DNAH9: variants seen among roughly 807,000 people sequenced by gnomAD.
The protein encoded by DNAH9 is DNAH9 variant protein.
Under a neutral mutation model 471.6 loss-of-function variants are expected in DNAH9, and 345 were observed. That is an observed-to-expected ratio of 0.73 (90% CI 0.67 to 0.80). The LOEUF (loss-of-function observed/expected upper bound fraction) is 0.80, where lower values mean the gene tolerates loss of function less well. Among genes scored for constraint, DNAH9 ranks in the 30% least tolerant of loss-of-function variants. The pLI is 0.00. For synonymous variants in DNAH9, 2,093 were observed against 2,123.6 expected (o/e 0.99, Z 0.40); for missense variants, 5,407 against 5,609.2 (o/e 0.96, Z 1.15).
At chr17:11,854,611 G>A (rs1971557716) in intron 50 of DNAH9, among the ~76,000 whole-genome samples, 183 bp downstream of exon 50, 1 of 152,150 alleles carries the variant, frequency 6.6e-6, no homozygotes, top group African/African-American at 2.4e-5. Context: ...CACTGTATAG[G>A]CCAAACAAGA....
At chr17:11,899,866 G>A (rs765595727) in intron 59 of DNAH9, among the ~76,000 whole-genome samples, 1 of 152,146 alleles carries the variant, frequency 6.6e-6, no homozygotes, top group Non-Finnish European at 1.5e-5. Flanking sequence ...CATTTCCTAA[G>A]TGCCAGGCAC....
rs1373118405 is a variant in DNAH9, at chr17:11,598,535, G to GAGAACGCGGATGGGGAACCCGGCGC, written c.38_62dup (p.Asp22GlufsTer38). 4 of 1,348,162 alleles carry GAGAACGCGGATGGGGAACCCGGCGC rather than the reference G, an allele frequency of 3.0e-6. No individual in the cohort carries two copies. Among genetic ancestry groups the GAGAACGCGGATGGGGAACCCGGCGC allele is most frequent in the African/African-American group, 1.5e-5 (1 of 66,024 alleles). 83.5% of individuals were successfully genotyped at this position (1,348,162 alleles called of 1,614,324 possible). On this transcript the variant is annotated frameshift_variant, in exon 1 of 69. Coordinates refer to ENST00000262442, the MANE Select transcript of DNAH9 (RefSeq NM_001372.4). LOFTEE classifies it high-confidence loss of function. ...GGAGGAGCGGGCCGCGCTCGCGGCG[G>GAGAACGCGGATGGGGAACCCGGCGC]AGAACGCGGATGGGGAACCCGGCGC... is the stretch of plus-strand genomic sequence containing the variant.
In DNAH9 at chr17:11,647,111, A is replaced by G. The variant is rs1567688355; in HGVS notation, c.2010A>G (p.Val670=). Residue 670 remains valine, a synonymous_variant, in exon 12 of 69, where the codon GTA becomes GTG. Coordinates refer to ENST00000262442, the MANE Select transcript of DNAH9 (RefSeq NM_001372.4). ...TRLYEDWCRT[V]SEKSQYNLSQ... is the part of the protein sequence containing the mutation. Reference sequence around the variant, plus strand: ...TTTATGAGGATTGGTGCCGGACAGTATCAGAGAAGTCACAGTACAATCTTT... The same window carrying G: ...TTTATGAGGATTGGTGCCGGACAGTGTCAGAGAAGTCACAGTACAATCTTT... 1 of 1,613,990 alleles carries G rather than the reference A, an allele frequency of 6.2e-7. No individual in the cohort carries two copies.
intron 38 of DNAH9, among the ~76,000 whole-genome samples, chr17:11,769,611 T>C (rs1037054781): frequency 1.3e-5 from 2 of 152,234 alleles, no homozygotes; most frequent in Admixed American, 6.5e-5. Flanking sequence ...AGCACCTTGA[T>C]GACAAAGAGA....
At chr17:11,807,525 T>C (rs1437490451) in intron 43 of DNAH9, among the ~76,000 whole-genome samples, 1 of 152,122 alleles carries the variant, frequency 6.6e-6, no homozygotes, top group Non-Finnish European at 1.5e-5. Context: ...CACTAGAGGC[T>C]GTGGCTTAAG....
intron 38 of DNAH9, among the ~76,000 whole-genome samples, chr17:11,771,779 C>T (rs1173851862): frequency 3.3e-5 from 5 of 152,196 alleles, no homozygotes; most frequent in Non-Finnish European, 7.3e-5. Context: ...TACAACTACA[C>T]TACTACTACT....
rs775743303 is a variant in DNAH9, at chr17:11,619,617, G to T, written c.1186G>T (p.Val396Leu). ...AGAAGAAAGTCAGAGAAAACTGCAA[G>T]TGGTCTCAGACACTTTGAGCTTCTT... Reference protein sequence around the residue: ...EVEESQRKLQVVSDTLSFFKQ... With the variant: ...EVEESQRKLQLVSDTLSFFKQ... Residue 396 changes from valine (V) to leucine (L), a missense_variant, in exon 6 of 69, where the codon GTG (valine) becomes TTG (leucine). Around this residue, in one of 3 missense-constraint regions of DNAH9, gnomAD observed 767 missense variants for 692.5 expected, o/e 1.11. Coordinates refer to ENST00000262442, the MANE Select transcript of DNAH9 (RefSeq NM_001372.4). The T allele has an allele frequency of 9.3e-6, 15 of 1,614,188 alleles. No individual in the cohort carries two copies. Among genetic ancestry groups the T allele is most frequent in the Non-Finnish European group, 1.3e-5 (15 of 1,180,006 alleles).
At chr17:11,724,530 C>T (rs2075119096) in intron 27 of DNAH9, among the ~76,000 whole-genome samples, 1 of 152,200 alleles carries the variant, frequency 6.6e-6, no homozygotes, top group Non-Finnish European at 1.5e-5. Context: ...AATGGCTGAA[C>T]AATATTGCTT....
chr17:11,764,528 C>T (rs1246946043), intron 36 of DNAH9, among the ~76,000 whole-genome samples: 14 of 152,202 alleles, frequency 9.2e-5, no homozygotes, highest in African/African-American at 3.4e-4. Context: ...CCTTCCATTG[C>T]TCCCTCCCCC....
chr17:11,847,806 T>A (rs1433748660), intron 49 of DNAH9, among the ~76,000 whole-genome samples: 1 of 152,148 alleles, frequency 6.6e-6, no homozygotes, highest in East Asian at 1.9e-4. Context: ...ATTATATCAA[T>A]GGACTGCCTT....
intron 65 of DNAH9, among the ~76,000 whole-genome samples, chr17:11,935,903 G>A (rs1974696373): frequency 6.6e-6 from 1 of 152,158 alleles, no homozygotes; most frequent in Non-Finnish European, 1.5e-5. Flanking sequence ...AGGAAAATAA[G>A]AGGAAATGTT....
chr17:11,634,885 AG>A (rs1460931583), intron 8 of DNAH9, among the ~76,000 whole-genome samples: 6 of 152,120 alleles, frequency 3.9e-5, no homozygotes, highest in African/African-American at 4.8e-5. Context: ...CAGCTCCTAG[AG>A]CTTGCACTCC....
chr17:11,808,620 A>G (rs112877197), intron 44 of DNAH9, among the ~76,000 whole-genome samples: 22 of 152,296 alleles, frequency 1.4e-4, no homozygotes, highest in African/African-American at 4.8e-4. Flanking sequence ...GGCTGAATCT[A>G]AGGTCATACA....
chr17:11,858,775 T>G (rs1971714583), intron 50 of DNAH9, among the ~76,000 whole-genome samples: 1 of 152,066 alleles, frequency 6.6e-6, no homozygotes, highest in African/African-American at 2.4e-5. Flanking sequence ...AGCACAGAAG[T>G]TATTGTGGTT....
In DNAH9 at chr17:11,793,530, G is replaced by A. The variant is rs1488610369; in HGVS notation, c.8089G>A (p.Val2697Met). ...CATTCTCTTCTCCTCAGTGGAATGT[G>A]TGAAATCCACATGGGATCTTATAAG... ...QGILFSSVEC[V>M]KSTWDLIRLY... is the part of the protein sequence containing the mutation. Residue 2697 changes from valine (V) to methionine (M), a missense_variant, in exon 42 of 69, where the codon GTG becomes ATG. Around this residue, in one of 3 missense-constraint regions of DNAH9, gnomAD observed 4,636 missense variants for 4,900.3 expected, o/e 0.95. Transcript: ENST00000262442. 8 of 1,613,508 alleles carry A rather than the reference G, an allele frequency of 5.0e-6. No individual in the cohort carries two copies. Among genetic ancestry groups the A allele is most frequent in the African/African-American group, 1.3e-5 (1 of 74,890 alleles).
At chr17:11,784,118 C>G (rs933234819) in intron 40 of DNAH9, among the ~76,000 whole-genome samples, 182 bp from the exon 41 acceptor site, 22 of 152,118 alleles carry the variant, frequency 1.4e-4, no homozygotes, top group African/African-American at 5.1e-4. Flanking sequence ...ACTGAAGGTG[C>G]TTTGCCTGTT....
At chr17:11,879,475 A>G (rs1009503652) in intron 53 of DNAH9, among the ~76,000 whole-genome samples, 2 of 152,146 alleles carry the variant, frequency 1.3e-5, no homozygotes, top group African/African-American at 4.8e-5. Flanking sequence ...GTTGTATTAT[A>G]TCAGTCTTAT....
chr17:11,680,705 C>CT lies in DNAH9; in HGVS notation c.3577-17dup. 6.2e-7 allele frequency: 1 copy of CT among 1,613,018 alleles called. No homozygotes were observed. The highest frequency in any genetic ancestry group is 1.1e-5 in the South Asian group (1 of 90,912). ...AGAGCACCTTGGGAATCTGACCACA[C>CT]TGAGGTTTCCTTTGCAGGAGCTGCC... On this transcript the variant is annotated splice_polypyrimidine_tract_variant and intron_variant, in intron 18 of 68. Transcript: ENST00000262442.
At chr17:11,698,776 C>A (rs1476547744) in intron 22 of DNAH9, among the ~76,000 whole-genome samples, 1 of 152,158 alleles carries the variant, frequency 6.6e-6, no homozygotes, top group Non-Finnish European at 1.5e-5. Flanking sequence ...CACAACATAG[C>A]TCTGTCCAGC....
Sources: allele counts gnomAD v4.1 joint callset (sites outside exome capture counted in the v4.1 genomes callset), GRCh38; gene constraint gnomAD v4.1.1; regional missense constraint gnomAD v4.1.1; transcripts MANE v1.5; gene names NCBI Gene and HGNC (gene_info 2026-07-23, HGNC 2026-07-21).